KATNBL1: variants seen among roughly 807,000 people sequenced by gnomAD.
KATNBL1 encodes KATNB1-like protein 1.
Under a neutral mutation model 44.7 loss-of-function variants are expected in KATNBL1, and 28 were observed. The ratio of observed to expected loss-of-function variants is 0.63; its 90% CI spans 0.46 to 0.86. The LOEUF (loss-of-function observed/expected upper bound fraction) is 0.86. Ranked by LOEUF, KATNBL1 falls within the 40% of genes least tolerant of loss-of-function variation. The probability of loss-of-function intolerance (pLI) is 0.00; values close to 1 mark genes in which losing one functional copy is unlikely to be tolerated. For missense variants in KATNBL1, 272 were observed against 350.7 expected, an observed-to-expected ratio of 0.78 and a Z score of 1.79; for synonymous variants, 78 against 114.9, an observed-to-expected ratio of 0.68 and a Z score of 2.06.
chr15:34,209,925 C>A (rs1890392260), intron 1 of KATNBL1, 26 bp downstream of exon 1: 1 of 151,636 alleles, frequency 6.6e-6, no homozygotes. Flanking sequence ...GGGCGCGGGG[C>A]TCGCACCGGC....
intron 4 of KATNBL1, among the ~76,000 whole-genome samples, chr15:34,151,440 T>C (rs1442966158): frequency 9.1e-5 from 3 of 33,010 alleles, no homozygotes; most frequent in Non-Finnish European, 1.5e-4. Flanking sequence ...TGCCTACTTT[T>C]TTTTTTTTTT....
chr15:34,195,481 T>C (rs560888954), intron 1 of KATNBL1, among the ~76,000 whole-genome samples: 19 of 152,142 alleles, frequency 1.2e-4, no homozygotes, highest in African/African-American at 3.9e-4. Context: ...ATGGGTAAAA[T>C]GCGTGTTGCT....
chr15:34,170,737 G>A (rs1319325103), intron 1 of KATNBL1, among the ~76,000 whole-genome samples: 1 of 152,140 alleles, frequency 6.6e-6, no homozygotes, highest in Non-Finnish European at 1.5e-5. Flanking sequence ...TACCAAAACA[G>A]ATATATAGAC....
chr15:34,206,791 C>CAAAAA (rs751429482), intron 1 of KATNBL1, among the ~76,000 whole-genome samples: 1 of 111,066 alleles, frequency 9.0e-6, no homozygotes. Context: ...GACTCCGTCT[C>CAAAAA]AAAAAAAAAA....
At chr15:34,153,493 G>A (rs1210402032) in intron 3 of KATNBL1, among the ~76,000 whole-genome samples, 2 of 152,128 alleles carry the variant, frequency 1.3e-5, no homozygotes, top group Non-Finnish European at 2.9e-5. Flanking sequence ...GATAGAGCAA[G>A]CCTCATCGTT....
intron 1 of KATNBL1, among the ~76,000 whole-genome samples, chr15:34,181,573 CAT>C (rs1230066876): frequency 7.5e-6 from 1 of 132,988 alleles, no homozygotes; most frequent in Non-Finnish European, 1.6e-5. Flanking sequence ...TATATATATC[CAT>C]ATATATACAT....
intron 1 of KATNBL1, among the ~76,000 whole-genome samples, chr15:34,163,915 T>C (rs1888886148): frequency 1.3e-5 from 2 of 151,250 alleles, no homozygotes; most frequent in African/African-American, 4.9e-5. Context: ...TTTTTTGAGA[T>C]GGAGTTTTGC....
chr15:34,178,762 A>G (rs12905275), intron 1 of KATNBL1, among the ~76,000 whole-genome samples: 12 of 72,882 alleles, frequency 1.6e-4, no homozygotes, highest in Non-Finnish European at 1.4e-4. Context: ...TCTCAAAAAA[A>G]AAAAAAAAAA....
intron 1 of KATNBL1, among the ~76,000 whole-genome samples, chr15:34,195,197 G>A (rs200537161): frequency 9.2e-5 from 14 of 152,122 alleles, no homozygotes; most frequent in African/African-American, 2.4e-4. Flanking sequence ...GAATCAACCC[G>A]TGTCTTATCA....
intron 1 of KATNBL1, among the ~76,000 whole-genome samples, chr15:34,173,061 C>T (rs1889220076): frequency 6.6e-6 from 1 of 151,460 alleles, no homozygotes; most frequent in South Asian, 2.1e-4. Context: ...TAGTAAAAAA[C>T]TCAACAGAAG....
At chr15:34,187,104 G>A (rs999140321) in intron 1 of KATNBL1, among the ~76,000 whole-genome samples, 3 of 152,198 alleles carry the variant, frequency 2.0e-5, no homozygotes, top group East Asian at 1.9e-4. Flanking sequence ...TATCCTCTCT[G>A]CTGATAGTTG....
rs548262195 is a variant in KATNBL1, at chr15:34,154,667, T to A, written c.135A>T (p.Lys45Asn). Residue 45 changes from lysine to asparagine, a missense_variant, in exon 3 of 10, where the codon AAA (lysine) becomes AAT (asparagine). Physicochemically the swap from Lys to Asn is moderately conservative, Grantham distance 94. This residue lies in a region of KATNBL1 where 122 missense variants were observed against 125.0 expected (regional missense o/e 0.98). Transcript: ENST00000256544. ...ACCTATTTATGTAAGCAGCCAACTG[T>A]TTTGGAGATTTCTTAACCTGAAAAA... ...KNMKEVKKSP[K>N]QLAAYINRTV... The A allele has an allele frequency of 5.7e-6, 9 of 1,585,200 alleles. No homozygotes were observed. The African/African-American group carries it at 9.4e-5, about 17-fold the overall frequency.
chr15:34,142,257 C>A lies in KATNBL1; in HGVS notation c.*82G>T. 7.6e-7 allele frequency: 1 copy of A among 1,322,996 alleles called. No individual in the cohort carries two copies. Among genetic ancestry groups the A allele is most frequent in the Admixed American group, 3.2e-5 (1 of 31,356 alleles). 82.0% of individuals were successfully genotyped at this position (1,322,996 alleles called of 1,614,324 possible). A position where few individuals can be genotyped will look rare whatever the true frequency, so the allele number is the denominator to read the frequency against. ...GATTTCTTCCACAGTTCACAGTTCT[C>A]AGACGAGACTTTTTTTTTTTGTAAA... On this transcript the variant is annotated 3_prime_UTR_variant, in exon 10 of 10. Transcript: ENST00000256544.
chr15:34,183,380 G>C (rs1889621644), intron 1 of KATNBL1, among the ~76,000 whole-genome samples: 1 of 152,144 alleles, frequency 6.6e-6, no homozygotes, highest in African/African-American at 2.4e-5. Context: ...TACTTACTAT[G>C]CAGGTAGGTA....
chr15:34,176,339 T>TTG (rs1889332212), intron 1 of KATNBL1, among the ~76,000 whole-genome samples: 1 of 151,878 alleles, frequency 6.6e-6, no homozygotes, highest in South Asian at 2.1e-4. Context: ...GATCACGCCA[T>TTG]TGCACTCCAG....
intron 1 of KATNBL1, among the ~76,000 whole-genome samples, chr15:34,206,915 A>C (rs1051382137): frequency 1.3e-5 from 2 of 152,228 alleles, no homozygotes; most frequent in Admixed American, 1.3e-4. Flanking sequence ...ATATTCCTAA[A>C]TACATTTTCC....
At position 34,152,911 on chromosome 15, in the gene KATNBL1, C is replaced by G. The variant is rs774267535; in HGVS notation, c.317G>C (p.Cys106Ser). The stretch of plus-strand genomic sequence containing the variant: ...TAATTTTTCAGGCAGGTGGCCTGCA[C>G]AAGCCAGTTCATTTTCTTTATTTGC... ...DMANKENELA[C>S]AGHLPEKLHH... The change falls in exon 4 of 10, where the codon TGT becomes TCT. Residue 106 changes from cysteine to serine, a missense_variant. Physicochemically the swap from Cys to Ser is moderately radical, Grantham distance 112 (BLOSUM62 -1). Around this residue, in one of 3 missense-constraint regions of KATNBL1, gnomAD observed 122 missense variants for 125.0 expected, o/e 0.98. Transcript: ENST00000256544. 2.5e-6 allele frequency: 4 copies of G among 1,613,918 alleles called. No individual in the cohort carries two copies. Among genetic ancestry groups the G allele is most frequent in the East Asian group, 2.2e-5 (1 of 44,892 alleles).
rs1889735950 is a variant in KATNBL1, at chr15:34,187,011, A to C, written c.-15+22940T>G. 4.6e-5 allele frequency among the ~76,000 whole-genome samples: 7 copies of C among 152,342 alleles called. No individual in the cohort carries two copies. In the South Asian group the frequency reaches 1.5e-3, roughly 32 times the overall value. On this transcript the variant is annotated intron_variant, in intron 1 of 9. Coordinates refer to ENST00000256544, the MANE Select transcript of KATNBL1 (RefSeq NM_024713.3). ...TGAGGTCCACAAAAGCCCTGGGCTCAGCCACAGCAGGGCGGAGGATGCCAG... is the reference window on the plus strand; with the variant it reads ...TGAGGTCCACAAAAGCCCTGGGCTCCGCCACAGCAGGGCGGAGGATGCCAG...
intron 1 of KATNBL1, chr15:34,209,091 T>C (rs1205825006): frequency 6.6e-6 from 1 of 152,224 alleles, no homozygotes; most frequent in African/African-American, 2.4e-5. Flanking sequence ...CTAATATTAT[T>C]ATTGGCTAAT....
Sources: gnomAD v4.1 joint callset for allele counts (sites outside exome capture counted in the v4.1 genomes callset) on GRCh38, gnomAD v4.1.1 for gene constraint, gnomAD v4.1.1 regional missense constraint, MANE v1.5 for transcripts, NCBI Gene and HGNC (gene_info 2026-07-23, HGNC 2026-07-21) for gene names.